The following SEMA5A variants were observed in gnomAD, a reference collection of about 807,000 sequenced individuals.
SEMA5A encodes semaphorin-5A.
Under a neutral mutation model 135.5 loss-of-function variants are expected in SEMA5A, and 55 were observed. The ratio of observed to expected loss-of-function variants is 0.41; its 90% CI spans 0.33 to 0.51. SEMA5A has a LOEUF of 0.51. SEMA5A is among the 20% of genes least tolerant of loss of function. SEMA5A has a pLI of 0.37. For synonymous variants in SEMA5A, 580 were observed against 546.5 expected, an observed-to-expected ratio of 1.06 and a Z score of -0.85; for missense variants, 1,290 against 1,419.9, an observed-to-expected ratio of 0.91 and a Z score of 1.47.
chr5:9,296,183 A>T (rs1485674881), intron 5 of SEMA5A, among the ~76,000 whole-genome samples: 2 of 152,228 alleles, frequency 1.3e-5, no homozygotes, highest in African/African-American at 2.4e-5. Context: ...AATAGAATCT[A>T]AAAATATCAG....
chr5:9,203,598 T>C (rs894481123), intron 8 of SEMA5A, among the ~76,000 whole-genome samples: 3 of 152,216 alleles, frequency 2.0e-5, no homozygotes, highest in Admixed American at 6.5e-5. Flanking sequence ...TTTCAATCAA[T>C]ACCTATATTC....
chr5:9,191,267 C>T (rs1447210573), intron 10 of SEMA5A, among the ~76,000 whole-genome samples: 3 of 151,954 alleles, frequency 2.0e-5, no homozygotes, highest in African/African-American at 4.8e-5. Context: ...GAAATTCAGC[C>T]CTGTACAATG....
intron 21 of SEMA5A, chr5:9,045,948 T>C (rs1170826673): frequency 3.3e-5 from 5 of 152,210 alleles, no homozygotes; most frequent in Non-Finnish European, 5.9e-5. Context: ...CTTGTGTATG[T>C]TGGTGAAATA....
intron 5 of SEMA5A, among the ~76,000 whole-genome samples, chr5:9,242,897 A>T (rs1748280381): frequency 6.6e-6 from 1 of 152,224 alleles, no homozygotes; most frequent in Non-Finnish European, 1.5e-5. Flanking sequence ...AAATTAGAAG[A>T]AATATCTTAA....
At chr5:9,536,407 G>C (rs1404825057) in intron 1 of SEMA5A, among the ~76,000 whole-genome samples, 1 of 152,016 alleles carries the variant, frequency 6.6e-6, no homozygotes, top group Non-Finnish European at 1.5e-5. Flanking sequence ...CAGCTCAGGA[G>C]TTCGAGACCA....
intron 12 of SEMA5A, among the ~76,000 whole-genome samples, chr5:9,154,113 G>A (rs868712321): frequency 7.6e-6 from 1 of 131,480 alleles, no homozygotes; most frequent in Non-Finnish European, 1.6e-5. Flanking sequence ...GTGTATGTGT[G>A]TGTATGTATG....
chr5:9,213,274 C>T (rs918976159), intron 8 of SEMA5A, among the ~76,000 whole-genome samples: 4 of 152,150 alleles, frequency 2.6e-5, no homozygotes, highest in Admixed American at 6.5e-5. Context: ...AAAAAATGTC[C>T]GTTGAGTGCT....
intron 13 of SEMA5A, among the ~76,000 whole-genome samples, chr5:9,125,180 C>T (rs2150192061): frequency 6.6e-6 from 1 of 152,316 alleles, no homozygotes; most frequent in East Asian, 1.9e-4. Context: ...ATAATTATGA[C>T]TATCCCTCCT....
intron 16 of SEMA5A, among the ~76,000 whole-genome samples, chr5:9,088,659 T>TATATATATATATATACACACACAC: frequency 7.1e-5 from 8 of 112,884 alleles, no homozygotes; most frequent in African/African-American, 3.0e-4. Flanking sequence ...TATATATATA[T>TATATATATATATATACACACACAC]ACACACACAC....
intron 5 of SEMA5A, among the ~76,000 whole-genome samples, chr5:9,271,987 G>A (rs191070166): frequency 1.4e-4 from 21 of 152,206 alleles, no homozygotes; most frequent in Admixed American, 1.3e-3. Context: ...TCATACCCCA[G>A]TGGCACCTGG....
At chr5:9,106,273 T>C (rs978926436) in intron 16 of SEMA5A, among the ~76,000 whole-genome samples, 1 of 152,250 alleles carries the variant, frequency 6.6e-6, no homozygotes, top group Admixed American at 6.5e-5. Context: ...ATTTGTTTCA[T>C]AAACTGTAAT....
At chr5:9,476,634 G>A (rs944937611) in intron 1 of SEMA5A, among the ~76,000 whole-genome samples, 6 of 151,994 alleles carry the variant, frequency 3.9e-5, no homozygotes, top group East Asian at 1.9e-4. Context: ...ATTGCCTAAC[G>A]CATCTCTCAC....
chr5:9,389,267 C>T (rs1756042167), intron 2 of SEMA5A, among the ~76,000 whole-genome samples: 1 of 152,132 alleles, frequency 6.6e-6, no homozygotes, highest in Admixed American at 6.5e-5. Flanking sequence ...TCATTGTTTT[C>T]TCCATCTACA....
At chr5:9,356,439 G>A (rs1754450670) in intron 3 of SEMA5A, among the ~76,000 whole-genome samples, 4 of 152,036 alleles carry the variant, frequency 2.6e-5, no homozygotes, top group Admixed American at 2.6e-4. Context: ...GGATGAAGGA[G>A]GTGGAGTGGG....
rs541771650 is a variant in SEMA5A, at chr5:9,277,929, G to A, written c.271-40039C>T. 8.0e-4 allele frequency among the ~76,000 whole-genome samples: 122 copies of A among 152,040 alleles called. 1 individual carries two copies. The South Asian group carries it at 0.022, about 28-fold the overall frequency. On this transcript the variant is annotated intron_variant, in intron 5 of 22. Coordinates refer to ENST00000382496, the MANE Select transcript of SEMA5A (RefSeq NM_003966.3). ...TGTATGTAACAGACTTGCATGTTCC[G>A]CACATGTACCCCAGAACTTAAAGTA...
intron 5 of SEMA5A, among the ~76,000 whole-genome samples, chr5:9,297,831 G>T (rs1455442576): frequency 6.6e-6 from 1 of 151,904 alleles, no homozygotes; most frequent in Non-Finnish European, 1.5e-5. Context: ...CAAATCACTG[G>T]GGTTACAGGT....
chr5:9,306,139 T>G (rs1017762168), intron 5 of SEMA5A, among the ~76,000 whole-genome samples: 5 of 152,232 alleles, frequency 3.3e-5, no homozygotes, highest in African/African-American at 9.6e-5. Context: ...TTATCTATTG[T>G]ATTTGAGGTT....
chr5:9,177,097 C>A (rs1426039489), intron 11 of SEMA5A, among the ~76,000 whole-genome samples: 1 of 152,224 alleles, frequency 6.6e-6, no homozygotes, highest in Non-Finnish European at 1.5e-5. Flanking sequence ...AGCAACACAA[C>A]AGAATTAATC....
At chr5:9,309,379 CT>C (rs1444244335) in intron 5 of SEMA5A, among the ~76,000 whole-genome samples, 4 of 152,056 alleles carry the variant, frequency 2.6e-5, no homozygotes, top group Non-Finnish European at 5.9e-5. Context: ...GGAGAAAATG[CT>C]AATATCTGTC....
Sources: gnomAD v4.1 joint callset for allele counts (sites outside exome capture counted in the v4.1 genomes callset) on GRCh38, gnomAD v4.1.1 for gene constraint, MANE v1.5 for transcripts, NCBI Gene and HGNC (gene_info 2026-07-23, HGNC 2026-07-21) for gene names.